THSD4: variants seen among roughly 807,000 people sequenced by gnomAD.
THSD4 encodes the protein thrombospondin type 1 domain containing 4.
A neutral mutation model predicts 119.0 loss-of-function variants in THSD4; 69 were observed. That is an observed-to-expected ratio of 0.58 (90% confidence interval 0.48 to 0.71). The LOEUF (loss-of-function observed/expected upper bound fraction) is 0.71, where lower values mean the gene tolerates loss of function less well. THSD4 is among the 30% of genes least tolerant of loss of function. THSD4 has a pLI of 0.00. For synonymous variants in THSD4, 524 were observed against 540.4 expected, an observed-to-expected ratio of 0.97 and a Z score of 0.42; for missense variants, 1,393 against 1,391.1, an observed-to-expected ratio of 1.00 and a Z score of -0.02.
chr15:71,721,324 T>G (rs1213824361), intron 8 of THSD4, among the ~76,000 whole-genome samples: 2 of 152,128 alleles, frequency 1.3e-5, no homozygotes, highest in Non-Finnish European at 2.9e-5. Context: ...CTGGCCAACA[T>G]GGTGAAACCC....
intron 7 of THSD4, among the ~76,000 whole-genome samples, chr15:71,617,573 C>T (rs2050341362): frequency 6.6e-6 from 1 of 152,138 alleles, no homozygotes; most frequent in Non-Finnish European, 1.5e-5. Context: ...GAAACCAAAT[C>T]CGTAGCCAAA....
At chr15:71,258,517 T>A (rs929084494) in intron 6 of THSD4, among the ~76,000 whole-genome samples, 1 of 152,146 alleles carries the variant, frequency 6.6e-6, no homozygotes, top group African/African-American at 2.4e-5. Context: ...TATGCGAAGC[T>A]GGGTAAAGAA....
chr15:71,326,117 G>A (rs972436548), intron 6 of THSD4, among the ~76,000 whole-genome samples: 14 of 152,180 alleles, frequency 9.2e-5, no homozygotes, highest in African/African-American at 2.2e-4. Flanking sequence ...AGTAGATGGC[G>A]TGAGAGAAAG....
rs574332489 is a variant in THSD4 at position 71,321,530 on chromosome 15, C to T, written c.1015+64815C>T. 3.9e-5 allele frequency among the ~76,000 whole-genome samples: 6 copies of T among 152,202 alleles called. No individual in the cohort carries two copies. In the South Asian group the frequency reaches 8.3e-4, roughly 21 times the overall value. On this transcript the variant is annotated intron_variant, in intron 6 of 17. Coordinates refer to ENST00000261862, the MANE Select transcript of THSD4 (RefSeq NM_024817.3). ...CAGCCTGGGCAACAGAGCGAGATTC[C>T]GTCTCCAAAATAACAAAAAAAGCTT...
chr15:71,144,665 C>T (rs988525952), intron 2 of THSD4, among the ~76,000 whole-genome samples: 2 of 152,184 alleles, frequency 1.3e-5, no homozygotes, highest in Non-Finnish European at 1.5e-5. Context: ...AGAAAACCAG[C>T]TTCCTTCTCA....
intron 3 of THSD4, among the ~76,000 whole-genome samples, chr15:71,214,404 C>A (rs2043913019): frequency 6.6e-6 from 1 of 152,238 alleles, no homozygotes; most frequent in South Asian, 2.1e-4. Flanking sequence ...CTGTAACACT[C>A]AACAGCGAAG....
intron 7 of THSD4, among the ~76,000 whole-genome samples, chr15:71,473,270 C>T (rs2047609535): frequency 6.6e-6 from 1 of 152,134 alleles, no homozygotes; most frequent in Non-Finnish European, 1.5e-5. Context: ...GTTGCCCAGC[C>T]TGGTCTCCAA....
intron 8 of THSD4, among the ~76,000 whole-genome samples, chr15:71,696,811 G>T (rs1007841274): frequency 9.2e-5 from 14 of 152,176 alleles, no homozygotes; most frequent in Admixed American, 5.9e-4. Flanking sequence ...TTTGAGGCAG[G>T]CAGAGAGAAA....
intron 1 of THSD4, among the ~76,000 whole-genome samples, chr15:71,130,755 A>ATTTT (rs2040496167): frequency 6.6e-6 from 1 of 152,064 alleles, no homozygotes; most frequent in Non-Finnish European, 1.5e-5. Context: ...TATTTATTTA[A>ATTTT]TTTTTTTGAG....
rs72267245 is a variant in THSD4, at chr15:71,762,150, A to AACACACACACAC, written c.2590-2852_2590-2841dup. Among the ~76,000 whole-genome samples, 226 of 112,306 alleles carry AACACACACACAC rather than the reference A, an allele frequency of 2.0e-3. 1 individual carries two copies. Among genetic ancestry groups the AACACACACACAC allele is most frequent in the African/African-American group, 5.6e-3 (218 of 39,258 alleles). The allele number at this position is 112,306 out of a possible 152,430, so 73.7% of individuals were successfully genotyped here. Reference sequence around the variant, plus strand: ...AAATGCTGTCTCATGCGCGTGTGCAAACACACACACACACACACACACACA... The same window carrying AACACACACACAC: ...AAATGCTGTCTCATGCGCGTGTGCAAACACACACACACACACACACACACACACACACACACA... On this transcript the variant is annotated intron_variant, in intron 15 of 17. Transcript: ENST00000261862.
chr15:71,201,219 G>A lies in THSD4; in HGVS notation c.100-13816G>A, dbSNP rs2140238899. Among the ~76,000 whole-genome samples the A allele has an allele frequency of 2.0e-5, 3 of 152,242 alleles. No homozygotes were observed. The East Asian group carries it at 5.8e-4, about 29-fold the overall frequency. On this transcript the variant is annotated intron_variant, in intron 3 of 17. Transcript: ENST00000261862. ...AGGACCCCGTGTTGTAGAAGAAAGG[G>A]CCAGGAGGATGAGGGCTTTCATAAT...
intron 6 of THSD4, among the ~76,000 whole-genome samples, chr15:71,361,810 A>G (rs1258861477): frequency 1.3e-5 from 2 of 152,226 alleles, no homozygotes; most frequent in Non-Finnish European, 2.9e-5. Context: ...GAAATCTTGA[A>G]AACAGAAAAT....
intron 7 of THSD4, among the ~76,000 whole-genome samples, chr15:71,458,950 G>T (rs949544911): frequency 6.6e-6 from 1 of 152,104 alleles, no homozygotes; most frequent in African/African-American, 2.4e-5. Flanking sequence ...TGGATGGCCA[G>T]TCACAAGTTC....
intron 3 of THSD4, among the ~76,000 whole-genome samples, chr15:71,155,429 G>T (rs2141384109): frequency 6.6e-6 from 1 of 152,290 alleles, no homozygotes; most frequent in Admixed American, 6.5e-5. Flanking sequence ...TCCAATATTG[G>T]AGATTACAAT....
chr15:71,558,611 G>A (rs1196014700), intron 7 of THSD4, among the ~76,000 whole-genome samples: 1 of 152,052 alleles, frequency 6.6e-6, no homozygotes, highest in African/African-American at 2.4e-5. Context: ...TGGGACCACA[G>A]ATGCATGCCA....
At chr15:71,631,667 G>A (rs1201064935) in intron 7 of THSD4, among the ~76,000 whole-genome samples, 2 of 152,220 alleles carry the variant, frequency 1.3e-5, no homozygotes, top group African/African-American at 4.8e-5. Flanking sequence ...GGCCGAAATA[G>A]CCCAGGAGGG....
At chr15:71,278,945 T>G (rs1315228575) in intron 6 of THSD4, among the ~76,000 whole-genome samples, 1 of 152,222 alleles carries the variant, frequency 6.6e-6, no homozygotes, top group African/African-American at 2.4e-5. Flanking sequence ...AAGTTTGGAT[T>G]TATCCCAGGA....
chr15:71,198,120 G>C (rs550807718), intron 3 of THSD4, among the ~76,000 whole-genome samples: 1 of 152,188 alleles, frequency 6.6e-6, no homozygotes, highest in African/African-American at 2.4e-5. Context: ...AATTGACCAG[G>C]CATGGTGCCA....
intron 7 of THSD4, among the ~76,000 whole-genome samples, chr15:71,496,773 A>G (rs1174880593): frequency 1.3e-5 from 2 of 152,196 alleles, no homozygotes; most frequent in Admixed American, 6.5e-5. Flanking sequence ...AGTCTGAGGA[A>G]GTGACTCAGT....
Sources: allele counts gnomAD v4.1 joint callset (sites outside exome capture counted in the v4.1 genomes callset), GRCh38; gene constraint gnomAD v4.1.1; transcripts MANE v1.5; gene names NCBI Gene and HGNC (gene_info 2026-07-23, HGNC 2026-07-21).